The following KDSR variants were observed in gnomAD, a reference collection of about 807,000 sequenced individuals.
The protein encoded by KDSR is 3-dehydrosphinganine reductase.
KDSR carries 23 observed loss-of-function variants against 41.3 expected under a neutral mutation model. The observed-to-expected ratio is 0.56, with a 90% CI of 0.40 to 0.79. KDSR has a LOEUF of 0.79. KDSR is among the 30% of genes least tolerant of loss of function. The probability of loss-of-function intolerance (pLI) is 0.00; values close to 1 mark genes in which losing one functional copy is unlikely to be tolerated. For synonymous variants in KDSR, 138 were observed against 151.7 expected (o/e 0.91, Z 0.66); for missense variants, 351 against 416.8 (o/e 0.84, Z 1.37).
chr18:63,356,809 G>A (rs76336282), intron 3 of KDSR, among the ~76,000 whole-genome samples: 3,661 of 152,260 alleles, frequency 0.024, 79 homozygotes, highest in Non-Finnish European at 0.032. Flanking sequence ...ACAGGAATAC[G>A]GGAAAAAACG....
chr18:63,350,478 C>T (rs1218735189), intron 6 of KDSR, among the ~76,000 whole-genome samples: 18 of 152,176 alleles, frequency 1.2e-4, no homozygotes, highest in Admixed American at 1.1e-3. Flanking sequence ...AAATTAGCAG[C>T]TGATTCAAGC....
Position 63,355,539 on chromosome 18 carries a change from C to T in KDSR, c.280G>A (p.Val94Ile). 6.2e-7 allele frequency: 1 copy of T among 1,600,830 alleles called. No individual in the cohort carries two copies. Among genetic ancestry groups the T allele is most frequent in the Non-Finnish European group, 8.5e-7 (1 of 1,176,702 alleles). ...TCTACTTGGTTATAGTCTTGAGATA[C>T]ATCAACTGATATGCAAAGCACCACC... ...KQVVLCISVD[V>I]SQDYNQVENV... The change falls in exon 4 of 10, where the codon GTA becomes ATA. Residue 94 changes from valine to isoleucine, a missense_variant. By Grantham distance (29) the Val-to-Ile change is conservative. Transcript: ENST00000645214.
chr18:63,365,192 C>T (rs1207007353), intron 1 of KDSR, among the ~76,000 whole-genome samples: 3 of 152,250 alleles, frequency 2.0e-5, no homozygotes, highest in Non-Finnish European at 2.9e-5. Flanking sequence ...CCAGCACTTT[C>T]GGAGGCTGAG....
intron 2 of KDSR, among the ~76,000 whole-genome samples, chr18:63,360,869 G>C (rs1041774240): frequency 6.8e-6 from 1 of 147,524 alleles, no homozygotes; most frequent in Non-Finnish European, 1.5e-5. Context: ...GGGTGACACA[G>C]TGAGGCCGGG....
At chr18:63,352,075 C>T (rs1599332822) in intron 5 of KDSR, among the ~76,000 whole-genome samples, 1 of 151,990 alleles carries the variant, frequency 6.6e-6, no homozygotes, top group African/African-American at 2.4e-5. Context: ...TGAGCCACTG[C>T]GCCTAGCCTG....
Position 63,351,026 on chromosome 18 carries a change from G to A in KDSR, c.471C>T (p.Ile157=). Residue 157 remains isoleucine, a synonymous_variant, in exon 6 of 10, where the codon ATC becomes ATT. Transcript: ENST00000645214. ...LGSVYPSRAV[I]TTMKERRVGR... ...CCACCCGGCGCTCCTTCATGGTGGT[G>A]ATCACGGCCCGGCTGGGGTACACGC... is the stretch of plus-strand genomic sequence containing the variant. 2 of 1,614,166 alleles carry A rather than the reference G, an allele frequency of 1.2e-6. No homozygotes were observed. The highest frequency in any genetic ancestry group is 1.7e-6 in the Non-Finnish European group (2 of 1,180,012).
chr18:63,353,034 A>T (rs1319475325), intron 5 of KDSR, among the ~76,000 whole-genome samples: 2 of 145,892 alleles, frequency 1.4e-5, no homozygotes, highest in East Asian at 4.0e-4. Flanking sequence ...AAAAAAAATT[A>T]GCCAGGCATA....
At position 63,331,481 on chromosome 18, in the gene KDSR, A is replaced by T; in HGVS notation, c.*301T>A. 2 of 258,270 alleles carry T rather than the reference A, an allele frequency of 7.7e-6. No individual in the cohort carries two copies. Among genetic ancestry groups the T allele is most frequent in the Admixed American group, 5.4e-5 (1 of 18,548 alleles). The allele number at this position is 258,270 out of a possible 1,614,324, so 16.0% of individuals were successfully genotyped here. A position where few individuals can be genotyped will look rare whatever the true frequency, so the allele number is the denominator to read the frequency against. On this transcript the variant is annotated 3_prime_UTR_variant, in exon 10 of 10. Transcript: ENST00000645214. ...AGAATAAATAGAAACAAATTTAATGATCATTCTGGAATCCTGTTCTTTACT... is the reference window on the plus strand; with the variant it reads ...AGAATAAATAGAAACAAATTTAATGTTCATTCTGGAATCCTGTTCTTTACT...
chr18:63,359,003 A>ACC (rs1453402363), intron 3 of KDSR, among the ~76,000 whole-genome samples: 1 of 150,136 alleles, frequency 6.7e-6, no homozygotes, highest in Non-Finnish European at 1.5e-5. Context: ...ACATGGCGAA[A>ACC]CCCCATCTCT....
rs1230632686 is a variant in KDSR, at chr18:63,357,594, A to AT, written c.256-2032dup. On this transcript the variant is annotated intron_variant, in intron 3 of 9. Coordinates refer to ENST00000645214, the MANE Select transcript of KDSR (RefSeq NM_002035.4). ...TACATATATATATATATATATATATATTTTTTTTTGAGATGGAGTCTCCCT... is the reference window on the plus strand; with the variant it reads ...TACATATATATATATATATATATATATTTTTTTTTTGAGATGGAGTCTCCCT... Among the ~76,000 whole-genome samples the AT allele has an allele frequency of 1.2e-4, 15 of 120,808 alleles. 1 individual carries two copies. Among genetic ancestry groups the AT allele is most frequent in the African/African-American group, 3.5e-4 (11 of 31,152 alleles). The allele number at this position is 120,808 out of a possible 152,430, so 79.3% of individuals were successfully genotyped here.
intron 1 of KDSR, among the ~76,000 whole-genome samples, chr18:63,365,601 G>C (rs1161740391): frequency 6.6e-6 from 1 of 152,212 alleles, no homozygotes; most frequent in Non-Finnish European, 1.5e-5. Context: ...GATGGGGCTG[G>C]AAGGACTGGA....
chr18:63,355,542 C>T lies in KDSR; in HGVS notation c.277G>A (p.Asp93Asn). The change falls in exon 4 of 10, where the codon GAT becomes AAT. Residue 93 changes from aspartate to asparagine, a missense_variant. Transcript: ENST00000645214. The stretch of plus-strand genomic sequence containing the variant: ...ACTTGGTTATAGTCTTGAGATACAT[C>T]AACTGATATGCAAAGCACCACCTGT... Reference protein sequence around the residue: ...DKQVVLCISVDVSQDYNQVEN... With the variant: ...DKQVVLCISVNVSQDYNQVEN... 1 of 1,600,226 alleles carries T rather than the reference C, an allele frequency of 6.2e-7. No homozygotes were observed. The highest frequency in any genetic ancestry group is 8.5e-7 in the Non-Finnish European group (1 of 1,176,472).
intron 3 of KDSR, among the ~76,000 whole-genome samples, chr18:63,356,467 T>A (rs1011983073): frequency 6.6e-6 from 1 of 150,548 alleles, no homozygotes; most frequent in African/African-American, 2.4e-5. Context: ...CAGTATTAGA[T>A]CAGTTACTAA....
At chr18:63,353,012 C>A (rs964414792) in intron 5 of KDSR, among the ~76,000 whole-genome samples, 185 of 116,020 alleles carry the variant, frequency 1.6e-3, no homozygotes, top group African/African-American at 1.9e-3. Context: ...ACTAAAAATA[C>A]AAAAAAAAAA....
In KDSR at chr18:63,330,651, T is replaced by G. The variant is rs1182112743; in HGVS notation, c.*1131A>C. 1 of 231,588 alleles carries G rather than the reference T, an allele frequency of 4.3e-6. No individual in the cohort carries two copies. Among genetic ancestry groups the G allele is most frequent in the African/African-American group, 2.2e-5 (1 of 45,264 alleles). 14.3% of individuals were successfully genotyped at this position (231,588 alleles called of 1,614,324 possible). A position where few individuals can be genotyped will look rare whatever the true frequency, so the allele number is the denominator to read the frequency against. ...TCTTCAAAATCAGCCTTGTCTTTTT[T>G]TCTTAATGAGCAAACTTTATACCAT... On this transcript the variant is annotated 3_prime_UTR_variant, in exon 10 of 10. Coordinates refer to ENST00000645214, the MANE Select transcript of KDSR (RefSeq NM_002035.4).
At chr18:63,338,399 G>A (rs1207308809) in intron 8 of KDSR, among the ~76,000 whole-genome samples, 1 of 152,232 alleles carries the variant, frequency 6.6e-6, no homozygotes, top group Non-Finnish European at 1.5e-5. Flanking sequence ...AGGCCCACGG[G>A]GCTGGTGGCA....
intron 5 of KDSR, among the ~76,000 whole-genome samples, chr18:63,354,664 T>A (rs968281992): frequency 2.6e-5 from 4 of 152,152 alleles, no homozygotes; most frequent in African/African-American, 9.7e-5. Flanking sequence ...TGAAATTCCA[T>A]CTCAAAAAAA....
chr18:63,331,110 G>A lies in KDSR; in HGVS notation c.*672C>T, dbSNP rs941304559. 7.7e-5 allele frequency: 18 copies of A among 232,690 alleles called. No homozygotes were observed. The highest frequency in any genetic ancestry group is 1.2e-4 in the Non-Finnish European group (14 of 117,872). The allele number at this position is 232,690 out of a possible 1,614,324, so 14.4% of individuals were successfully genotyped here. A position where few individuals can be genotyped will look rare whatever the true frequency, so the allele number is the denominator to read the frequency against. ...ACTTCCCATTGCACTGCCCTCTCCC[G>A]TCCCCCTCGTAGCTTTATGGGATCA... On this transcript the variant is annotated 3_prime_UTR_variant, in exon 10 of 10. Transcript: ENST00000645214.
chr18:63,358,946 A>G (rs1310903226), intron 3 of KDSR, among the ~76,000 whole-genome samples: 1 of 151,690 alleles, frequency 6.6e-6, no homozygotes, highest in Non-Finnish European at 1.5e-5. Flanking sequence ...TGGGAGGCAG[A>G]GGTAGGCGGA....
Sources: allele counts gnomAD v4.1 joint callset (sites outside exome capture counted in the v4.1 genomes callset), GRCh38; gene constraint gnomAD v4.1.1; transcripts MANE v1.5; gene names NCBI Gene and HGNC (gene_info 2026-07-23, HGNC 2026-07-21).